Variants in NFIA observed in about 807,000 individuals in gnomAD.
The protein encoded by NFIA is nuclear factor I A.
In NFIA, 8 loss-of-function variants were observed where a neutral mutation model predicts 62.8. That is an observed-to-expected ratio of 0.13 (90% CI 0.07 to 0.23). The LOEUF (loss-of-function observed/expected upper bound fraction) is 0.23. Among genes scored for constraint, NFIA ranks in the 10% least tolerant of loss-of-function variants. The pLI is 1.00. For synonymous variants in NFIA, 235 were observed against 238.1 expected, an observed-to-expected ratio of 0.99 and a Z score of 0.12; for missense variants, 410 against 642.1, an observed-to-expected ratio of 0.64 and a Z score of 3.91.
In NFIA at chr1:61,082,763, G is replaced by A. The variant is rs1248273012; in HGVS notation, c.-29G>A. 1.1e-5 allele frequency: 17 copies of A among 1,549,564 alleles called. No homozygotes were observed. Among genetic ancestry groups the A allele is most frequent in the Non-Finnish European group, 1.5e-5 (17 of 1,146,324 alleles). ...ACACCTCCAAACCGCACACCCAGAC[G>A]CACACGCATACCCCAGCGCCCGGCA... On this transcript the variant is annotated 5_prime_UTR_variant, in exon 1 of 11. Coordinates refer to ENST00000403491, the MANE Select transcript of NFIA (RefSeq NM_001134673.4).
chr1:61,088,483 G>A lies in NFIA; in HGVS notation c.362G>A (p.Arg121His), dbSNP rs1452736676. 6.2e-7 allele frequency: 1 copy of A among 1,614,042 alleles called. No homozygotes were observed. The highest frequency in any genetic ancestry group is 8.5e-7 in the Non-Finnish European group (1 of 1,180,002). The stretch of plus-strand genomic sequence containing the variant: ...AAGATGCGAAGAATTGACTGCCTCC[G>A]CCAGGCAGATAAAGTCTGGAGGTTG... ...KGKMRRIDCL[R>H]QADKVWRLDL... The change falls in exon 2 of 11, where the codon CGC becomes CAC. Residue 121 changes from arginine (R) to histidine (H), a missense_variant. By Grantham distance (29) the Arg-to-His change is conservative. Coordinates refer to ENST00000403491, the MANE Select transcript of NFIA (RefSeq NM_001134673.4). This position sits in a 1 kb window ranked among gnomAD's most constrained non-coding sequence, Gnocchi z 4.5.
At chr1:61,425,064 A>G (rs1234677058) in intron 9 of NFIA, among the ~76,000 whole-genome samples, 1 of 152,210 alleles carries the variant, frequency 6.6e-6, no homozygotes, top group Non-Finnish European at 1.5e-5. Context: ...CTATTACCAC[A>G]AAAAGTTTCT....
chr1:61,390,827 G>T (rs916667174), intron 7 of NFIA, among the ~76,000 whole-genome samples: 11 of 152,144 alleles, frequency 7.2e-5, no homozygotes, highest in African/African-American at 2.7e-4. Flanking sequence ...CCTCCGCCTT[G>T]TGCCCGGCAT....
chr1:61,300,700 T>C (rs1659450005), intron 3 of NFIA, among the ~76,000 whole-genome samples: 2 of 149,598 alleles, frequency 1.3e-5, no homozygotes, highest in Non-Finnish European at 3.0e-5. Flanking sequence ...AAGCTGGCTA[T>C]ATATGTGTAT....
At chr1:61,243,765 G>C (rs1037238026) in intron 2 of NFIA, among the ~76,000 whole-genome samples, 3 of 152,252 alleles carry the variant, frequency 2.0e-5, no homozygotes, top group Non-Finnish European at 4.4e-5. Context: ...GTTTACGTAG[G>C]TAGAATAAGG....
intron 10 of NFIA, among the ~76,000 whole-genome samples, chr1:61,444,371 T>C (rs548087613): frequency 1.3e-5 from 2 of 152,234 alleles, no homozygotes; most frequent in Non-Finnish European, 2.9e-5. Flanking sequence ...AACTTGGTGC[T>C]GCGTAGCCTC....
chr1:61,263,778 T>G (rs1388584585), intron 2 of NFIA, among the ~76,000 whole-genome samples: 1 of 152,110 alleles, frequency 6.6e-6, no homozygotes, highest in African/African-American at 2.4e-5. Flanking sequence ...CTGGATCACT[T>G]GAGGCCAGGA....
At chr1:61,444,488 C>T (rs1667720758) in intron 10 of NFIA, among the ~76,000 whole-genome samples, 1 of 152,132 alleles carries the variant, frequency 6.6e-6, no homozygotes, top group Non-Finnish European at 1.5e-5. Flanking sequence ...AGAGGGAGCA[C>T]ATGTAAATGA....
intron 7 of NFIA, among the ~76,000 whole-genome samples, chr1:61,389,115 A>G (rs1664842274): frequency 6.6e-6 from 1 of 152,138 alleles, no homozygotes; most frequent in Non-Finnish European, 1.5e-5. Flanking sequence ...CAAAACAACA[A>G]CAACAAAAAA....
At chr1:61,352,937 G>A (rs1172879202) in intron 5 of NFIA, among the ~76,000 whole-genome samples, 2 of 152,042 alleles carry the variant, frequency 1.3e-5, no homozygotes, top group African/African-American at 2.4e-5. Context: ...TTCTGGGTGG[G>A]GTGAAAAATG....
chr1:61,338,801 G>A (rs1335464157), intron 4 of NFIA, among the ~76,000 whole-genome samples: 1 of 152,222 alleles, frequency 6.6e-6, no homozygotes, highest in Non-Finnish European at 1.5e-5. Context: ...CAGTACTTTA[G>A]ATCTTAATTA....
intron 2 of NFIA, among the ~76,000 whole-genome samples, chr1:61,208,641 C>G (rs332822): frequency 6.6e-6 from 1 of 151,918 alleles, no homozygotes; most frequent in Admixed American, 6.6e-5. Flanking sequence ...TAATAGAAGT[C>G]TATCATAGGA....
At chr1:61,114,907 A>C (rs1334521060) in intron 2 of NFIA, among the ~76,000 whole-genome samples, 1 of 152,200 alleles carries the variant, frequency 6.6e-6, no homozygotes, top group Non-Finnish European at 1.5e-5. Context: ...GGAAGCTGGA[A>C]TACACTGGCA....
intron 2 of NFIA, among the ~76,000 whole-genome samples, chr1:61,235,926 T>C (rs1007862917): frequency 2.0e-5 from 3 of 152,120 alleles, no homozygotes; most frequent in African/African-American, 7.2e-5. Flanking sequence ...CTTGCTATTA[T>C]AGAGACACAT....
At chr1:61,157,318 C>G (rs1648886617) in intron 2 of NFIA, among the ~76,000 whole-genome samples, 1 of 152,144 alleles carries the variant, frequency 6.6e-6, no homozygotes, top group Non-Finnish European at 1.5e-5. Context: ...CTTTCCTTCC[C>G]TCCACTCCCT....
At chr1:61,159,767 T>G (rs1271817979) in intron 2 of NFIA, among the ~76,000 whole-genome samples, 2 of 149,716 alleles carry the variant, frequency 1.3e-5, no homozygotes, top group African/African-American at 4.9e-5. Flanking sequence ...TTGCAACCTC[T>G]GCCTCCCGGG....
chr1:61,257,697 C>T lies in NFIA; in HGVS notation c.560-19823C>T, dbSNP rs1026332200. Among the ~76,000 whole-genome samples the T allele has an allele frequency of 2.6e-5, 4 of 151,456 alleles. No individual in the cohort carries two copies. In the East Asian group the frequency reaches 7.8e-4, roughly 29 times the overall value. The stretch of plus-strand genomic sequence containing the variant: ...CATGTTATTTGAATATTGTTTCCTT[C>T]ATCTTTGTTTATTTATTATTTATTT... On this transcript the variant is annotated intron_variant, in intron 2 of 10. Transcript: ENST00000403491.
intron 2 of NFIA, among the ~76,000 whole-genome samples, chr1:61,114,768 T>C (rs1277987033): frequency 6.6e-6 from 1 of 152,140 alleles, no homozygotes; most frequent in African/African-American, 2.4e-5. Context: ...CTTGTCACTT[T>C]TCTATATTTA....
chr1:61,439,758 T>C (rs749483686), intron 10 of NFIA, among the ~76,000 whole-genome samples: 2 of 152,166 alleles, frequency 1.3e-5, no homozygotes, highest in East Asian at 3.9e-4. Context: ...CAAGCATAAT[T>C]TGTACCCCCT....
Sources: gnomAD v4.1 joint callset for allele counts (sites outside exome capture counted in the v4.1 genomes callset) on GRCh38, gnomAD v4.1.1 for gene constraint, Gnocchi (gnomAD v3.1) non-coding constraint, MANE v1.5 for transcripts, NCBI Gene and HGNC (gene_info 2026-07-23, HGNC 2026-07-21) for gene names.